The following MSL1 variants were observed in gnomAD, a reference collection of about 807,000 sequenced individuals.
The protein encoded by MSL1 is male-specific lethal 1 homolog.
In MSL1, 21 loss-of-function variants were observed where a neutral mutation model predicts 64.6. The observed-to-expected ratio is 0.33, with a 90% CI of 0.23 to 0.47. The LOEUF is 0.47. Ranked by LOEUF, MSL1 falls within the 20% of genes least tolerant of loss-of-function variation. The probability of loss-of-function intolerance (pLI) is 1.00; values close to 1 mark genes in which losing one functional copy is unlikely to be tolerated. For missense variants in MSL1, 664 were observed against 793.2 expected (o/e 0.84, Z 1.96); for synonymous variants, 339 against 329.6 (o/e 1.03, Z -0.31).
Position 40,132,014 on chromosome 17 carries a change from TTC to T in MSL1, c.1424-12_1424-11del, listed in dbSNP as rs749962574. 83 of 1,565,236 alleles carry T rather than the reference TTC, an allele frequency of 5.3e-5. No homozygotes were observed. Among genetic ancestry groups the T allele is most frequent in the South Asian group, 2.0e-4 (17 of 85,534 alleles). ...GGTTCCACCCCTCCTCCCTTTCTTT[TTC>T]TCTCTCTTTTTTTTCAGTTCCTTCT... On this transcript the variant is annotated intron_variant, in intron 4 of 8. Transcript: ENST00000398532.
At chr17:40,126,031 CTG>C (rs1199600193) in intron 1 of MSL1, among the ~76,000 whole-genome samples, 150 bp from the exon 2 acceptor site, 1 of 152,150 alleles carries the variant, frequency 6.6e-6, no homozygotes, top group African/African-American at 2.4e-5. Context: ...TTAAGGAAAA[CTG>C]TTCAGATTAA....
chr17:40,123,599 G>A (rs1988245264), intron 1 of MSL1, among the ~76,000 whole-genome samples: 1 of 152,072 alleles, frequency 6.6e-6, no homozygotes, highest in Non-Finnish European at 1.5e-5. Flanking sequence ...GGGAGGGGGA[G>A]GGGTTTCAGG....
rs763386250 is a variant in MSL1 at position 40,122,793 on chromosome 17, T to A, written c.181T>A (p.Ser61Thr). 5.5e-5 allele frequency: 75 copies of A among 1,373,440 alleles called. 2 individuals carry two copies. In the South Asian group the frequency reaches 1.2e-3, roughly 23 times the overall value. 85.1% of individuals were successfully genotyped at this position (1,373,440 alleles called of 1,614,324 possible). The change falls in exon 1 of 9, where the codon TCC becomes ACC. Residue 61 changes from serine (S) to threonine (T), a missense_variant. Around this residue, in one of 4 missense-constraint regions of MSL1, gnomAD observed 466 missense variants for 499.0 expected, o/e 0.93. Coordinates refer to ENST00000398532, the MANE Select transcript of MSL1 (RefSeq NM_001365919.1). This position sits in a 1 kb window ranked among gnomAD's most constrained non-coding sequence, Gnocchi z 4.2. ...KLKEPGPPLASSQGGSPAPSP... is the reference protein window; with the variant it reads ...KLKEPGPPLATSQGGSPAPSP... ...CAAGGAGCCGGGGCCCCCGCTGGCC[T>A]CCTCCCAGGGCGGGAGCCCCGCGCC...
In MSL1 at chr17:40,131,415, A is replaced by C; in HGVS notation, c.1376-122A>C. On this transcript the variant is annotated intron_variant, in intron 3 of 8. Coordinates refer to ENST00000398532, the MANE Select transcript of MSL1 (RefSeq NM_001365919.1). This position sits in a 1 kb window ranked among gnomAD's most constrained non-coding sequence, Gnocchi z 4.5. ...TCCCCCAGAGAGAAATTCTCAAAAG[A>C]ACAACTCAAAAAACAAAATGGCTTC... The C allele has an allele frequency of 1.2e-6, 1 of 810,764 alleles. No individual in the cohort carries two copies. The highest frequency in any genetic ancestry group is 2.1e-6 in the Non-Finnish European group (1 of 486,802). The allele number at this position is 810,764 out of a possible 1,614,324, so 50.2% of individuals were successfully genotyped here.
At position 40,135,938 on chromosome 17, in the gene MSL1, A is replaced by C. The variant is rs2145139064; in HGVS notation, c.*1569A>C. On this transcript the variant is annotated 3_prime_UTR_variant, in exon 9 of 9. Transcript: ENST00000398532. ...TATAAGGGAACCTGCTGTAAACTTC[A>C]TTGCAGCAAGGATGTAGAGAGAAAT... The C allele has an allele frequency of 6.6e-6, 1 of 152,116 alleles. No homozygotes were observed. Among genetic ancestry groups the C allele is most frequent in the South Asian group, 2.1e-4 (1 of 4,810 alleles). 9.4% of individuals were successfully genotyped at this position (152,116 alleles called of 1,614,324 possible). A position where few individuals can be genotyped will look rare whatever the true frequency, so the allele number is the denominator to read the frequency against.
rs542587873 is a variant in MSL1 at position 40,133,350 on chromosome 17, CAT to C, written c.1557-183_1557-182del. On this transcript the variant is annotated intron_variant, in intron 6 of 8. Coordinates refer to ENST00000398532, the MANE Select transcript of MSL1 (RefSeq NM_001365919.1). Reference sequence around the variant, plus strand: ...TTCTACTTTCTGTGGAACACCAACACATGATCTAAACGGTAGACCTAAACAGC... The same window carrying C: ...TTCTACTTTCTGTGGAACACCAACACGATCTAAACGGTAGACCTAAACAGC... 116 of 811,974 alleles carry C rather than the reference CAT, an allele frequency of 1.4e-4. No homozygotes were observed. The African/African-American group carries it at 1.9e-3, about 13-fold the overall frequency. 50.3% of individuals were successfully genotyped at this position (811,974 alleles called of 1,614,324 possible).
At position 40,131,685 on chromosome 17, in the gene MSL1, T is replaced by C; in HGVS notation, c.1423+101T>C. The C allele has an allele frequency of 3.8e-6, 4 of 1,050,756 alleles. No homozygotes were observed. The highest frequency in any genetic ancestry group is 1.5e-6 in the Non-Finnish European group (1 of 668,874). The allele number at this position is 1,050,756 out of a possible 1,614,324, so 65.1% of individuals were successfully genotyped here. A position where few individuals can be genotyped will look rare whatever the true frequency, so the allele number is the denominator to read the frequency against. Reference sequence around the variant, plus strand: ...TCCCCATCCACTGGATGTGGGAGACTGAGATTTCTTGGTGTATGATTGATT... The same window carrying C: ...TCCCCATCCACTGGATGTGGGAGACCGAGATTTCTTGGTGTATGATTGATT... On this transcript the variant is annotated intron_variant, in intron 4 of 8. Transcript: ENST00000398532. This position sits in a 1 kb window ranked among gnomAD's most constrained non-coding sequence, Gnocchi z 4.5.
chr17:40,132,994 A>C, intron 5 of MSL1, 48 bp from the exon 6 acceptor site: 1 of 1,541,446 alleles, frequency 6.5e-7, no homozygotes, highest in Non-Finnish European at 8.9e-7. Flanking sequence ...TATGTGTGTA[A>C]CTAATATATG....
chr17:40,126,448 T>C lies in MSL1; in HGVS notation c.992+42T>C, dbSNP rs200396919. The C allele has an allele frequency of 2.3e-5, 35 of 1,529,340 alleles. No individual in the cohort carries two copies. The African/African-American group carries it at 4.7e-4, about 20-fold the overall frequency. 94.7% of individuals were successfully genotyped at this position (1,529,340 alleles called of 1,614,324 possible). On this transcript the variant is annotated intron_variant, in intron 2 of 8. Coordinates refer to ENST00000398532, the MANE Select transcript of MSL1 (RefSeq NM_001365919.1). ...GTTTGATGAGGACCCTTGTTACCAG[T>C]GATTGAGAGTAGGAGATTGGGATTT...
chr17:40,123,127 C>T lies in MSL1; in HGVS notation c.515C>T (p.Pro172Leu). Reference protein sequence around the residue: ...PAATASDPAGPPPLPLPGPPP... With the variant: ...PAATASDPAGLPPLPLPGPPP... ...GCCACCGCCTCGGACCCGGCGGGACCCCCACCACTACCTCTGCCCGGGCCG... is the reference window on the plus strand; with the variant it reads ...GCCACCGCCTCGGACCCGGCGGGACTCCCACCACTACCTCTGCCCGGGCCG... Residue 172 changes from proline to leucine, a missense_variant, in exon 1 of 9, where the codon CCC (proline) becomes CTC (leucine). Coordinates refer to ENST00000398532, the MANE Select transcript of MSL1 (RefSeq NM_001365919.1). The T allele has an allele frequency of 6.5e-7, 1 of 1,532,318 alleles. No individual in the cohort carries two copies. The highest frequency in any genetic ancestry group is 8.7e-7 in the Non-Finnish European group (1 of 1,145,290). 94.9% of individuals were successfully genotyped at this position (1,532,318 alleles called of 1,614,324 possible). A position where few individuals can be genotyped will look rare whatever the true frequency, so the allele number is the denominator to read the frequency against.
intron 6 of MSL1, 176 bp from the exon 7 acceptor site, chr17:40,133,357 TA>T: frequency 1.2e-6 from 1 of 851,282 alleles, no homozygotes; most frequent in Non-Finnish European, 1.8e-6. Context: ...ACACATGATC[TA>T]AACGGTAGAC....
rs189459797 is a variant in MSL1, at chr17:40,123,555, G to C, written c.768+175G>C. Among the ~76,000 whole-genome samples, 86 of 152,080 alleles carry C rather than the reference G, an allele frequency of 5.7e-4. No homozygotes were observed. The East Asian group carries it at 0.016, about 28-fold the overall frequency. ...GGAGCCAGGCTCACAGACACGTTGG[G>C]TTGGAGGGAAGGGTTAAAGGGCAAC... On this transcript the variant is annotated intron_variant, in intron 1 of 8. Coordinates refer to ENST00000398532, the MANE Select transcript of MSL1 (RefSeq NM_001365919.1).
rs1041466721 is a variant in MSL1, at chr17:40,122,908, C to T, written c.296C>T (p.Ser99Leu). 3.0e-5 allele frequency: 45 copies of T among 1,490,012 alleles called. No individual in the cohort carries two copies. The highest frequency in any genetic ancestry group is 1.6e-4 in the Admixed American group (7 of 44,874). The allele number at this position is 1,490,012 out of a possible 1,614,324, so 92.3% of individuals were successfully genotyped here. The change falls in exon 1 of 9, where the codon TCG (serine) becomes TTG (leucine). Residue 99 changes from serine to leucine, a missense_variant. Transcript: ENST00000398532. This position sits in a 1 kb window ranked among gnomAD's most constrained non-coding sequence, Gnocchi z 4.2. ...PGQQEESWGG[S>L]VPLPCPPPAT... Reference sequence around the variant, plus strand: ...CAGCAGGAAGAGAGCTGGGGCGGTTCGGTGCCCTTGCCCTGTCCGCCCCCG... The same window carrying T: ...CAGCAGGAAGAGAGCTGGGGCGGTTTGGTGCCCTTGCCCTGTCCGCCCCCG...
At position 40,129,425 on chromosome 17, in the gene MSL1, G is replaced by A; in HGVS notation, c.1173G>A (p.Arg391=). 6.2e-7 allele frequency: 1 copy of A among 1,613,062 alleles called. No homozygotes were observed. Among genetic ancestry groups the A allele is most frequent in the Non-Finnish European group, 8.5e-7 (1 of 1,179,654 alleles). ...GCCAAGAAACCCCAGAAAAGCCCCG[G>A]TCTTCAGTGGACACCCCACCAAGAC... ...LRSQETPEKP[R]SSVDTPPRLS... Residue 391 remains arginine (R), a synonymous_variant, in exon 3 of 9, where the codon CGG becomes CGA. Transcript: ENST00000398532.
intron 3 of MSL1, among the ~76,000 whole-genome samples, chr17:40,130,711 TGAGA>T (rs1988423180): frequency 6.6e-6 from 1 of 152,190 alleles, no homozygotes; most frequent in Admixed American, 6.5e-5. Context: ...CTTGAGTACA[TGAGA>T]TAGATCAGGA....
At chr17:40,132,987 G>A in intron 5 of MSL1, 55 bp from the exon 6 acceptor site, 1 of 1,479,052 alleles carries the variant, frequency 6.8e-7, no homozygotes, top group South Asian at 1.2e-5. Flanking sequence ...GTTAGTATAT[G>A]TGTGTAACTA....
rs1567668681 is a variant in MSL1, at chr17:40,126,280, A to G, written c.866A>G (p.Glu289Gly). Residue 289 changes from glutamate (E) to glycine (G), a missense_variant, in exon 2 of 9, where the codon GAA becomes GGA. Physicochemically the swap from Glu to Gly is moderately conservative, Grantham distance 98. Around this residue, in one of 4 missense-constraint regions of MSL1, gnomAD observed 466 missense variants for 499.0 expected, o/e 0.93. Coordinates refer to ENST00000398532, the MANE Select transcript of MSL1 (RefSeq NM_001365919.1). ...RHKLFQGYET[E>G]EREETELSEK... is the part of the protein sequence containing the mutation. ...AAGCTGTTTCAGGGCTATGAAACTG[A>G]AGAGAGAGAGGAAACAGAGCTATCT... 5.6e-6 allele frequency: 9 copies of G among 1,613,890 alleles called. No homozygotes were observed. The highest frequency in any genetic ancestry group is 5.0e-5 in the Admixed American group (3 of 60,002).
chr17:40,126,116 G>A, intron 1 of MSL1, 67 bp from the exon 2 acceptor site: 1 of 1,401,100 alleles, frequency 7.1e-7, no homozygotes, highest in South Asian at 1.2e-5. Flanking sequence ...ATTCCTAAAT[G>A]GGGCTAAGTA....
chr17:40,125,768 C>G (rs1988299604), intron 1 of MSL1, among the ~76,000 whole-genome samples: 1 of 152,152 alleles, frequency 6.6e-6, no homozygotes, highest in African/African-American at 2.4e-5. Context: ...GCAACAAGAG[C>G]AAAACTCCGT....
Sources: gnomAD v4.1 joint callset for allele counts (sites outside exome capture counted in the v4.1 genomes callset) on GRCh38, gnomAD v4.1.1 for gene constraint, gnomAD v4.1.1 regional missense constraint, Gnocchi (gnomAD v3.1) non-coding constraint, MANE v1.5 for transcripts, NCBI Gene and HGNC (gene_info 2026-07-23, HGNC 2026-07-21) for gene names.